The following FHL1 variants were observed in gnomAD, a reference collection of about 807,000 sequenced individuals.
FHL1 encodes the protein four and a half LIM domains protein 1.
In FHL1, 1 loss-of-function variant was observed where a neutral mutation model predicts 20.3. The observed-to-expected ratio is 0.05, with a 90% CI of 0.02 to 0.23. FHL1 has a LOEUF of 0.23. FHL1 is among the 10% of genes least tolerant of loss of function. FHL1 has a pLI of 1.00. For missense variants in FHL1, 177 were observed against 234.0 expected, an observed-to-expected ratio of 0.76 and a Z score of 1.59; for synonymous variants, 82 against 88.9, an observed-to-expected ratio of 0.92 and a Z score of 0.44.
chrX:136,207,069 G>A lies in FHL1; in HGVS notation c.258G>A (p.Lys86=). 1.7e-6 allele frequency: 2 copies of A among 1,211,828 alleles called. No homozygotes were observed. The change falls in exon 3 of 6, where the codon AAG becomes AAA. Residue 86 remains lysine, a synonymous_variant. Transcript: ENST00000370683. ...FWHDTCFRCA[K]CLHPLANETF... ...ATGACACCTGCTTCCGCTGTGCCAA[G>A]TGCCTTCACCCCTTGGCCAATGAGA... is the stretch of plus-strand genomic sequence containing the variant.
At chrX:136,207,533 C>A in intron 3 of FHL1, 1 of 429,829 alleles carries the variant, frequency 2.3e-6, no homozygotes, top group Non-Finnish European at 4.1e-6. Context: ...TGTCTAAGTG[C>A]ACGCAGGGTA....
intron 1 of FHL1, among the ~76,000 whole-genome samples, chrX:136,162,803 A>G (rs964193968): frequency 9.0e-6 from 1 of 111,541 alleles, no homozygotes; most frequent in African/African-American, 3.3e-5. Context: ...ATCTGGGGGA[A>G]CTTTGTTGGG....
chrX:136,188,301 G>A (rs1045637011), intron 2 of FHL1, among the ~76,000 whole-genome samples: 5 of 111,783 alleles, frequency 4.5e-5, no homozygotes, highest in Non-Finnish European at 9.4e-5. Context: ...CCTTGCCCAG[G>A]CTGTGCCAGT....
chrX:136,175,907 T>A (rs2072990875), intron 2 of FHL1, among the ~76,000 whole-genome samples: 1 of 112,411 alleles, frequency 8.9e-6, no homozygotes, highest in South Asian at 3.7e-4. Flanking sequence ...CTTCCACTTT[T>A]ATGTACTTAA....
At position 136,210,083 on chromosome X, in the gene FHL1, A is replaced by C. The variant is rs1171631801; in HGVS notation, c.*58A>C. 1.7e-6 allele frequency: 2 copies of C among 1,195,485 alleles called. No homozygotes were observed. The highest frequency in any genetic ancestry group is 2.2e-5 in the Admixed American group (1 of 45,595). On this transcript the variant is annotated 3_prime_UTR_variant, in exon 6 of 6. Transcript: ENST00000370683. Reference sequence around the variant, plus strand: ...TTTGAATCTCGTTCTTTGTGTCCTTACTTTCTGCCCTATACCATCAATAGG... The same window carrying C: ...TTTGAATCTCGTTCTTTGTGTCCTTCCTTTCTGCCCTATACCATCAATAGG...
At position 136,203,842 on chromosome X, in the gene FHL1, G is replaced by A. The variant is rs560192895; in HGVS notation, c.23-2565G>A. ...TTTTCTAGTGTTTTTTCTTTGGTAT[G>A]ACACTAGTTAACCTGTATTTCTTAC... On this transcript the variant is annotated intron_variant, in intron 1 of 5. Transcript: ENST00000370683. 4.7e-4 allele frequency among the ~76,000 whole-genome samples: 53 copies of A among 112,069 alleles called. 1 individual carries two copies. In the South Asian group the frequency reaches 0.019, roughly 40 times the overall value.
intron 1 of FHL1, chrX:136,206,106 C>T (rs763616932): frequency 2.8e-5 from 11 of 387,355 alleles, no homozygotes; most frequent in East Asian, 1.8e-4. Flanking sequence ...CCACTTGCCC[C>T]GCTCCGCATC....
upstream of FHL1, chrX:136,167,934 T>C (rs1421986593): frequency 1.8e-5 from 2 of 112,175 alleles, no homozygotes; most frequent in African/African-American, 6.5e-5. Flanking sequence ...TTGGATTGAA[T>C]CGAAAGAGAG....
chrX:136,176,512 C>G (rs1230157484), intron 2 of FHL1, among the ~76,000 whole-genome samples: 1 of 111,601 alleles, frequency 9.0e-6, no homozygotes, highest in East Asian at 2.8e-4. Context: ...CTTCATGTTG[C>G]AATAGTTTTT....
At chrX:136,156,451 T>A (rs2072421754) in intron 1 of FHL1, among the ~76,000 whole-genome samples, 1 of 110,317 alleles carries the variant, frequency 9.1e-6, no homozygotes, top group South Asian at 3.9e-4. Context: ...CCAGCTAATT[T>A]TTGTATTTTT....
intron 2 of FHL1, among the ~76,000 whole-genome samples, chrX:136,177,826 A>C (rs1006545787): frequency 1.8e-5 from 2 of 112,174 alleles, no homozygotes; most frequent in African/African-American, 6.5e-5. Context: ...AAGTTGTTGT[A>C]AGATTTTGTC....
intron 2 of FHL1, among the ~76,000 whole-genome samples, chrX:136,191,625 ATAAAG>A (rs903942257): frequency 8.9e-6 from 1 of 111,942 alleles, no homozygotes; most frequent in Non-Finnish European, 1.9e-5. Flanking sequence ...CCAGTGCATA[ATAAAG>A]TAATGTATTA....
At position 136,184,604 on chromosome X, in the gene FHL1, T is replaced by C. The variant is rs181411439; in HGVS notation, c.-27+14624T>C. Among the ~76,000 whole-genome samples, 339 of 111,646 alleles carry C rather than the reference T, an allele frequency of 3.0e-3. 2 individuals are homozygous for C. Among genetic ancestry groups the C allele is most frequent in the Non-Finnish European group, 5.4e-3 (284 of 53,066 alleles). On this transcript the variant is annotated intron_variant, in intron 2 of 6. Transcript: ENST00000394153. The stretch of plus-strand genomic sequence containing the variant: ...GTATCATTGAAAGTTTAGGCTGATA[T>C]GAAAGAGAGGGAATTCCTATCATGG...
At chrX:136,186,891 GA>G (rs2073317288) in intron 2 of FHL1, among the ~76,000 whole-genome samples, 1 of 46,281 alleles carries the variant, frequency 2.2e-5, no homozygotes, top group African/African-American at 6.3e-5. Flanking sequence ...TAGATAGATA[GA>G]TAGATAGATA....
At chrX:136,189,994 TTCATTGAATGCAATAGGACAATCAC>T (rs1332891942) in intron 2 of FHL1, among the ~76,000 whole-genome samples, 1 of 112,048 alleles carries the variant, frequency 8.9e-6, no homozygotes, top group African/African-American at 3.2e-5. Flanking sequence ...TTACCTGAAT[TTCATTGAATGCAATAGGACAATCAC>T]TCCTTGTTTC....
At chrX:136,193,436 A>G (rs139167246), upstream of FHL1, among the ~76,000 whole-genome samples, 110 of 112,126 alleles carry the variant, frequency 9.8e-4, no homozygotes, top group African/African-American at 3.6e-3. Flanking sequence ...AAATCCCACA[A>G]ACGTGATTCT....
chrX:136,185,675 G>C (rs960314244), intron 2 of FHL1, among the ~76,000 whole-genome samples: 2 of 111,871 alleles, frequency 1.8e-5, no homozygotes, highest in Non-Finnish European at 3.8e-5. Context: ...ACAAGTGCCC[G>C]TTTCAGAAAA....
chrX:136,195,833 C>T (rs2073542230), upstream of FHL1, among the ~76,000 whole-genome samples: 1 of 111,858 alleles, frequency 8.9e-6, no homozygotes, highest in Non-Finnish European at 1.9e-5. Context: ...TTAAACAAGA[C>T]AGTGGCTATA....
upstream of FHL1, chrX:136,196,850 G>A: frequency 8.6e-7 from 1 of 1,166,090 alleles, no homozygotes; most frequent in Non-Finnish European, 1.1e-6. Context: ...TTTGGATGCT[G>A]AGTAGCCCCG....
Sources: allele counts gnomAD v4.1 joint callset (sites outside exome capture counted in the v4.1 genomes callset), GRCh38; gene constraint gnomAD v4.1.1; transcripts MANE v1.5; gene names NCBI Gene and HGNC (gene_info 2026-07-23, HGNC 2026-07-21).